The following CDH12 variants were observed in gnomAD, a reference collection of about 807,000 sequenced individuals.
CDH12 encodes cadherin 12.
A neutral mutation model predicts 74.1 loss-of-function variants in CDH12; 41 were observed. The ratio of observed to expected loss-of-function variants is 0.55; its 90% confidence interval spans 0.43 to 0.72. The LOEUF (loss-of-function observed/expected upper bound fraction) is 0.72. CDH12 is among the 30% of genes least tolerant of loss of function. The pLI is 0.00. For synonymous variants in CDH12, 399 were observed against 355.0 expected (o/e 1.12, Z -1.39); for missense variants, 945 against 977.2 (o/e 0.97, Z 0.44).
intron 4 of CDH12, among the ~76,000 whole-genome samples, chr5:22,155,952 A>G (rs1747996158): frequency 6.6e-6 from 1 of 152,056 alleles, no homozygotes; most frequent in Admixed American, 6.6e-5. Context: ...TCAGGGTCTT[A>G]TTACTCTGCT....
chr5:22,282,571 G>C (rs1736936556), intron 3 of CDH12, among the ~76,000 whole-genome samples: 1 of 152,088 alleles, frequency 6.6e-6, no homozygotes, highest in Non-Finnish European at 1.5e-5. Context: ...CCATCAAAAA[G>C]AGGGCAAAGT....
At chr5:21,777,679 C>T (rs1449744123) in intron 11 of CDH12, among the ~76,000 whole-genome samples, 1 of 152,046 alleles carries the variant, frequency 6.6e-6, no homozygotes, top group Non-Finnish European at 1.5e-5. Context: ...TTAGTAGAGA[C>T]AAGATTTCAC....
At chr5:22,406,506 C>G (rs1742946396) in intron 2 of CDH12, among the ~76,000 whole-genome samples, 1 of 152,098 alleles carries the variant, frequency 6.6e-6, no homozygotes, top group African/African-American at 2.4e-5. Context: ...TTGTTTTAAG[C>G]TGATACCGTC....
chr5:22,289,483 T>C (rs1737289257), intron 3 of CDH12, among the ~76,000 whole-genome samples: 1 of 152,206 alleles, frequency 6.6e-6, no homozygotes, highest in African/African-American at 2.4e-5. Context: ...AGCTGTATCT[T>C]CCATGAATAT....
At chr5:22,409,781 C>A (rs1457410392) in intron 2 of CDH12, among the ~76,000 whole-genome samples, 1 of 151,958 alleles carries the variant, frequency 6.6e-6, no homozygotes, top group Non-Finnish European at 1.5e-5. Context: ...TAGGCTAAAG[C>A]CTTCTTACCA....
chr5:22,712,356 A>G (rs1393477034), intron 1 of CDH12, among the ~76,000 whole-genome samples: 2 of 152,096 alleles, frequency 1.3e-5, no homozygotes, highest in African/African-American at 2.4e-5. Flanking sequence ...TTAGAGTTCC[A>G]TAACTTTATA....
chr5:22,736,366 C>T (rs754461656), intron 1 of CDH12, among the ~76,000 whole-genome samples: 1 of 151,692 alleles, frequency 6.6e-6, no homozygotes, highest in Non-Finnish European at 1.5e-5. Context: ...TGGCTGAATA[C>T]TGCAAAATCC....
At chr5:22,523,965 T>C (rs1158166308) in intron 1 of CDH12, among the ~76,000 whole-genome samples, 1 of 149,954 alleles carries the variant, frequency 6.7e-6, no homozygotes, top group Non-Finnish European at 1.5e-5. Context: ...CTATGCTTCA[T>C]TCATTTATTA....
chr5:22,251,869 T>C (rs1026575004), intron 3 of CDH12, among the ~76,000 whole-genome samples: 12 of 152,116 alleles, frequency 7.9e-5, no homozygotes, highest in African/African-American at 2.7e-4. Flanking sequence ...GAAAAAAATA[T>C]AGATGTATTT....
intron 6 of CDH12, among the ~76,000 whole-genome samples, chr5:21,879,318 A>G (rs1168716551): frequency 6.6e-6 from 1 of 151,510 alleles, no homozygotes; most frequent in African/African-American, 2.5e-5. Context: ...TAAGCAGCAC[A>G]TTAAAAGAAA....
chr5:22,368,933 A>T (rs1481428734), intron 3 of CDH12, among the ~76,000 whole-genome samples: 1 of 152,102 alleles, frequency 6.6e-6, no homozygotes, highest in Non-Finnish European at 1.5e-5. Flanking sequence ...GTTCAAGACC[A>T]GCCTGGCCAA....
chr5:22,601,100 T>C (rs1736834887), intron 1 of CDH12, among the ~76,000 whole-genome samples: 1 of 152,120 alleles, frequency 6.6e-6, no homozygotes, highest in Admixed American at 6.6e-5. Context: ...TCTTTTAATA[T>C]ATTTGAACAC....
intron 2 of CDH12, among the ~76,000 whole-genome samples, chr5:22,441,958 C>A (rs1387595535): frequency 6.6e-6 from 1 of 152,100 alleles, no homozygotes; most frequent in African/African-American, 2.4e-5. Context: ...CCTGCCTTGG[C>A]CTCCCAAAGT....
chr5:21,967,791 A>G (rs1580041042), intron 6 of CDH12, among the ~76,000 whole-genome samples: 1 of 152,176 alleles, frequency 6.6e-6, no homozygotes, highest in South Asian at 2.1e-4. Flanking sequence ...CCCTGCCCAC[A>G]CAGCCATAAC....
rs1748931755 is a variant in CDH12 at position 21,830,208 on chromosome 5, A to AAAAAAAG, written c.814+11952_814+11953insCTTTTTT. Among the ~76,000 whole-genome samples, 3 of 147,030 alleles carry AAAAAAAG rather than the reference A, an allele frequency of 2.0e-5. No individual in the cohort carries two copies. The Admixed American group carries it at 2.0e-4, about 10-fold the overall frequency. On this transcript the variant is annotated intron_variant, in intron 8 of 14. Transcript: ENST00000382254. ...CAGTGAAACTCCTTCTCAAAAAAAA[A>AAAAAAAG]AAAAAAAAAAAAAAAAAAAAAAGAA...
intron 4 of CDH12, among the ~76,000 whole-genome samples, chr5:22,148,837 C>T (rs1282837885): frequency 6.6e-6 from 1 of 152,082 alleles, no homozygotes; most frequent in Non-Finnish European, 1.5e-5. Context: ...ATACTAACCA[C>T]TGGCTGGGCA....
At chr5:22,012,855 T>A (rs1413792071) in intron 5 of CDH12, among the ~76,000 whole-genome samples, 2 of 142,624 alleles carry the variant, frequency 1.4e-5, no homozygotes, top group Non-Finnish European at 3.0e-5. Flanking sequence ...GAGTAATAGA[T>A]AGTATAACTA....
chr5:21,898,969 C>T (rs558702926), intron 6 of CDH12, among the ~76,000 whole-genome samples: 1 of 152,208 alleles, frequency 6.6e-6, no homozygotes, highest in Admixed American at 6.5e-5. Context: ...TTTAGTCTAT[C>T]TCACACAATT....
At chr5:22,014,624 G>A (rs1737494984) in intron 5 of CDH12, among the ~76,000 whole-genome samples, 1 of 152,090 alleles carries the variant, frequency 6.6e-6, no homozygotes, top group African/African-American at 2.4e-5. Context: ...CAGTGTTAAT[G>A]ACAGAATGCA....
Sources: allele counts gnomAD v4.1 joint callset (sites outside exome capture counted in the v4.1 genomes callset), GRCh38; gene constraint gnomAD v4.1.1; transcripts MANE v1.5; gene names NCBI Gene and HGNC (gene_info 2026-07-23, HGNC 2026-07-21).